GLT8D2: variants seen among roughly 807,000 people sequenced by gnomAD.
The protein encoded by GLT8D2 is glycosyltransferase 8 domain containing 2, also known as glycosyltransferase 8 domain-containing protein 2.
Under a neutral mutation model 44.5 loss-of-function variants are expected in GLT8D2, and 45 were observed. The ratio of observed to expected loss-of-function variants is 1.01; its 90% CI spans 0.80 to 1.30. The LOEUF is 1.30. Among genes scored for constraint, GLT8D2 ranks in the 50% most tolerant of loss-of-function variants. The pLI is 0.00. For missense variants in GLT8D2, 400 were observed against 430.4 expected (o/e 0.93, Z 0.62); for synonymous variants, 156 against 157.2 (o/e 0.99, Z 0.06).
At chr12:104,047,228 G>A (rs910724548) in intron 1 of GLT8D2, among the ~76,000 whole-genome samples, 8 of 151,822 alleles carry the variant, frequency 5.3e-5, no homozygotes, top group Non-Finnish European at 8.8e-5. Flanking sequence ...CCTGGTGGGG[G>A]CCTACTTTCT....
rs1407311858 is a variant in GLT8D2 at position 104,015,057 on chromosome 12, A to C, written c.68T>G (p.Leu23Arg). The part of the protein sequence containing the change: ...FLLIVTLCVI[L>R]YKKVHKGTVP... ...AGTCCCCTTATGAACTTTCTTATACAGAATCACACAGAGGGTCACGATCAG... is the reference window on the plus strand; with the variant it reads ...AGTCCCCTTATGAACTTTCTTATACCGAATCACACAGAGGGTCACGATCAG... Residue 23 changes from leucine to arginine, a missense_variant, in exon 4 of 11, where the codon CTG becomes CGG. By Grantham distance (102) the Leu-to-Arg change is moderately radical. Transcript: ENST00000360814. The C allele has an allele frequency of 3.1e-6, 5 of 1,613,974 alleles. No individual in the cohort carries two copies. Among genetic ancestry groups the C allele is most frequent in the Non-Finnish European group, 4.2e-6 (5 of 1,179,870 alleles).
intron 6 of GLT8D2, among the ~76,000 whole-genome samples, 187 bp from the exon 7 acceptor site, chr12:103,997,722 T>G (rs1047611179): frequency 6.6e-6 from 1 of 152,138 alleles, no homozygotes; most frequent in Non-Finnish European, 1.5e-5. Flanking sequence ...GGCCTGGGGC[T>G]GAAGCCAGCG....
At chr12:104,037,154 A>G (rs1880005534) in intron 1 of GLT8D2, among the ~76,000 whole-genome samples, 1 of 152,246 alleles carries the variant, frequency 6.6e-6, no homozygotes, top group African/African-American at 2.4e-5. Context: ...TCTGGGACAC[A>G]TTTAAAGCAG....
intron 4 of GLT8D2, among the ~76,000 whole-genome samples, chr12:104,003,959 A>G (rs1874601797): frequency 6.6e-6 from 1 of 152,190 alleles, no homozygotes; most frequent in Non-Finnish European, 1.5e-5. Context: ...TCCCTGATGA[A>G]CACTGATGCA....
upstream of GLT8D2, among the ~76,000 whole-genome samples, chr12:104,053,928 A>G (rs1434907132): frequency 6.6e-6 from 1 of 152,134 alleles, no homozygotes; most frequent in East Asian, 1.9e-4. Flanking sequence ...TATAACATGT[A>G]ATTGATTTTA....
chr12:104,000,373 A>G (rs1166014726), intron 5 of GLT8D2, among the ~76,000 whole-genome samples: 1 of 152,218 alleles, frequency 6.6e-6, no homozygotes. Context: ...ATTTCTAGAT[A>G]CCACTGGACA....
chr12:104,023,230 A>G (rs1209575213), intron 1 of GLT8D2, among the ~76,000 whole-genome samples: 1 of 152,228 alleles, frequency 6.6e-6, no homozygotes, highest in East Asian at 1.9e-4. Context: ...GCAAACCACC[A>G]TGGCACACAC....
intron 1 of GLT8D2, among the ~76,000 whole-genome samples, chr12:104,037,412 G>A (rs1327297070): frequency 6.6e-6 from 1 of 152,032 alleles, no homozygotes. Flanking sequence ...TAGACTGCTA[G>A]CAAGAATAAT....
chr12:104,021,489 G>A lies in GLT8D2; in HGVS notation c.-161C>T, dbSNP rs945965505. ...CACCTCCACGCTGCTCTTCCCACAG[G>A]ACCTAAAGTGACATTTTAAGTGTTT... On this transcript the variant is annotated splice_region_variant and 5_prime_UTR_variant, in exon 2 of 11. Coordinates refer to ENST00000360814, the MANE Select transcript of GLT8D2 (RefSeq NM_001384711.1). 1.3e-5 allele frequency: 2 copies of A among 152,338 alleles called. No homozygotes were observed. The highest frequency in any genetic ancestry group is 3.8e-4 in the East Asian group (2 of 5,196). The allele number at this position is 152,338 out of a possible 1,614,324, so 9.4% of individuals were successfully genotyped here.
intron 1 of GLT8D2, among the ~76,000 whole-genome samples, chr12:104,055,553 A>C (rs1397493978): frequency 3.3e-5 from 5 of 152,242 alleles, no homozygotes; most frequent in Non-Finnish European, 5.9e-5. Context: ...GCCTGAGTGC[A>C]ACCCCATGCA....
intron 4 of GLT8D2, among the ~76,000 whole-genome samples, chr12:104,009,267 A>G (rs1875504637): frequency 6.6e-6 from 1 of 152,214 alleles, no homozygotes; most frequent in African/African-American, 2.4e-5. Flanking sequence ...ATGGGAACCC[A>G]CGTCTTGCAT....
At chr12:104,045,919 GAA>G (rs1344692987) in intron 1 of GLT8D2, among the ~76,000 whole-genome samples, 8 of 134,384 alleles carry the variant, frequency 6.0e-5, no homozygotes, top group East Asian at 2.2e-4. Context: ...AAGAAAGAAA[GAA>G]AGAAAGAAAG....
intron 4 of GLT8D2, among the ~76,000 whole-genome samples, chr12:104,005,981 C>T (rs1874948034): frequency 6.6e-6 from 1 of 152,170 alleles, no homozygotes; most frequent in Non-Finnish European, 1.5e-5. Flanking sequence ...TTGGAACCAA[C>T]CCAAATGTCC....
At chr12:104,023,828 T>C (rs1474655919) in intron 1 of GLT8D2, among the ~76,000 whole-genome samples, 1 of 152,228 alleles carries the variant, frequency 6.6e-6, no homozygotes, top group African/African-American at 2.4e-5. Context: ...ATTAGCATAA[T>C]GTTTTTGAGA....
At chr12:104,015,436 A>ACACACACACACACACAC (rs1555278722) in intron 3 of GLT8D2, among the ~76,000 whole-genome samples, 4 of 148,352 alleles carry the variant, frequency 2.7e-5, no homozygotes, top group East Asian at 2.0e-4. Context: ...ACACACACAC[A>ACACACACACACACACAC]AATTAGCTGG....
At chr12:103,997,610 C>A in intron 6 of GLT8D2, 75 bp from the exon 7 acceptor site, 1 of 1,024,852 alleles carries the variant, frequency 9.8e-7, no homozygotes, top group Non-Finnish European at 1.5e-6. Flanking sequence ...ACTGGAGAGT[C>A]GGCTTTGACC....
intron 3 of GLT8D2, among the ~76,000 whole-genome samples, chr12:104,018,390 C>G (rs966263706): frequency 4.6e-5 from 7 of 152,016 alleles, no homozygotes; most frequent in African/African-American, 1.7e-4. Flanking sequence ...TCGTGGATGC[C>G]CTCCAAAGCT....
chr12:104,006,055 A>G (rs1874957575), intron 4 of GLT8D2, among the ~76,000 whole-genome samples: 1 of 152,184 alleles, frequency 6.6e-6, no homozygotes, highest in Non-Finnish European at 1.5e-5. Flanking sequence ...ATGCAGCCAT[A>G]AAAAAGGATG....
chr12:103,993,318 GAGAC>G (rs1313104705), intron 10 of GLT8D2, 70 bp downstream of exon 10: 2 of 1,170,844 alleles, frequency 1.7e-6, no homozygotes, highest in Non-Finnish European at 2.5e-6. Context: ...GCAGCAGAGC[GAGAC>G]TCTGTCTCAA....
Sources: allele counts gnomAD v4.1 joint callset (sites outside exome capture counted in the v4.1 genomes callset), GRCh38; gene constraint gnomAD v4.1.1; transcripts MANE v1.5; gene names NCBI Gene and HGNC (gene_info 2026-07-23, HGNC 2026-07-21).